The following RBFOX3 variants were observed in gnomAD, a reference collection of about 807,000 sequenced individuals.
RBFOX3 encodes RNA binding fox-1 homolog 3, also known as RNA binding protein fox-1 homolog 3.
RBFOX3 carries 17 observed loss-of-function variants against 48.7 expected under a neutral mutation model. That is an observed-to-expected ratio of 0.35 (90% confidence interval 0.24 to 0.52). The LOEUF is 0.52. RBFOX3 is among the 20% of genes least tolerant of loss of function. The probability of loss-of-function intolerance (pLI) is 0.94; values close to 1 mark genes in which losing one functional copy is unlikely to be tolerated. For synonymous variants in RBFOX3, 212 were observed against 209.5 expected, an observed-to-expected ratio of 1.01 and a Z score of -0.10; for missense variants, 382 against 497.5, an observed-to-expected ratio of 0.77 and a Z score of 2.21.
intron 2 of RBFOX3, among the ~76,000 whole-genome samples, chr17:79,383,305 G>A (rs2060166087): frequency 6.6e-6 from 1 of 152,222 alleles, no homozygotes; most frequent in South Asian, 2.1e-4. Flanking sequence ...GGTCTAACAC[G>A]GCTGGCCACG....
intron 5 of RBFOX3, among the ~76,000 whole-genome samples, chr17:79,107,285 C>CTTATT (rs1393503703): frequency 6.6e-6 from 1 of 152,244 alleles, no homozygotes. Context: ...CCCATCCCTG[C>CTTATT]CATGCTCCTG....
chr17:79,239,156 G>C (rs367583573), intron 3 of RBFOX3, among the ~76,000 whole-genome samples: 1 of 152,108 alleles, frequency 6.6e-6, no homozygotes, highest in African/African-American at 2.4e-5. Context: ...CTGAGATGTC[G>C]GCTCCCCCTC....
Position 79,126,834 on chromosome 17 carries a change from C to T in RBFOX3, c.-33-11086G>A, listed in dbSNP as rs564458313. 6.6e-5 allele frequency among the ~76,000 whole-genome samples: 10 copies of T among 152,330 alleles called. No individual in the cohort carries two copies. In the East Asian group the frequency reaches 1.7e-3, roughly 26 times the overall value. On this transcript the variant is annotated intron_variant, in intron 4 of 14. Coordinates refer to ENST00000693108, the MANE Select transcript of RBFOX3 (RefSeq NM_001350451.2). ...GACCGGTGCTTTACTAACGAGGAGG[C>T]TCCTTCAGTCCACCTCAGAACAGCT...
At chr17:79,262,844 C>T (rs1192798398) in intron 3 of RBFOX3, among the ~76,000 whole-genome samples, 1 of 152,270 alleles carries the variant, frequency 6.6e-6, no homozygotes, top group African/African-American at 2.4e-5. Context: ...GGGGCAGCCC[C>T]AATAGGGCGA....
chr17:79,543,397 G>A (rs961303166), intron 1 of RBFOX3, among the ~76,000 whole-genome samples: 1 of 152,120 alleles, frequency 6.6e-6, no homozygotes, highest in African/African-American at 2.4e-5. Context: ...GTGAAAGGAC[G>A]CCTGAAATGC....
At chr17:79,302,067 C>T (rs547847614) in intron 3 of RBFOX3, among the ~76,000 whole-genome samples, 1 of 152,276 alleles carries the variant, frequency 6.6e-6, no homozygotes, top group South Asian at 2.1e-4. Flanking sequence ...AATGCAAATG[C>T]ACTTATACCA....
chr17:79,202,630 C>T (rs994514483), intron 4 of RBFOX3, among the ~76,000 whole-genome samples: 1 of 152,250 alleles, frequency 6.6e-6, no homozygotes, highest in Non-Finnish European at 1.5e-5. Flanking sequence ...TGAGCCCACA[C>T]AGCAGACACC....
intron 3 of RBFOX3, among the ~76,000 whole-genome samples, chr17:79,236,486 T>C (rs1297423465): frequency 3.3e-5 from 5 of 152,120 alleles, no homozygotes; most frequent in Non-Finnish European, 5.9e-5. Flanking sequence ...GACGGGGGTC[T>C]CGCCATGTTG....
chr17:79,563,371 C>T (rs1030046043), intron 1 of RBFOX3, among the ~76,000 whole-genome samples: 6 of 152,228 alleles, frequency 3.9e-5, no homozygotes, highest in East Asian at 1.9e-4. Context: ...GCCTCGCTTC[C>T]GTCTGCAAGG....
At chr17:79,256,270 C>T (rs2064833971) in intron 3 of RBFOX3, among the ~76,000 whole-genome samples, 1 of 152,094 alleles carries the variant, frequency 6.6e-6, no homozygotes, top group East Asian at 1.9e-4. Flanking sequence ...TAAACCGACC[C>T]TTCCTTTCTC....
chr17:79,103,696 G>A lies in RBFOX3; in HGVS notation c.414+377C>T, dbSNP rs1239887084. On this transcript the variant is annotated intron_variant, in intron 7 of 14. Coordinates refer to ENST00000693108, the MANE Select transcript of RBFOX3 (RefSeq NM_001350451.2). This position sits in a 1 kb window ranked among gnomAD's most constrained non-coding sequence, Gnocchi z 6.1. ...GGTAGAGGGTCGTGCCTTCCTGGAA[G>A]GGGAGTAGGGCTTGTCTCCGCCGGA... Among the ~76,000 whole-genome samples the A allele has an allele frequency of 2.6e-5, 4 of 152,106 alleles. No homozygotes were observed. Among genetic ancestry groups the A allele is most frequent in the African/African-American group, 4.8e-5 (2 of 41,420 alleles).
At chr17:79,300,372 G>A (rs2075114867) in intron 3 of RBFOX3, among the ~76,000 whole-genome samples, 1 of 152,190 alleles carries the variant, frequency 6.6e-6, no homozygotes, top group Non-Finnish European at 1.5e-5. Flanking sequence ...AGTAGAGATG[G>A]GAAGAATCAG....
chr17:79,194,180 G>A (rs2055078468), intron 4 of RBFOX3, among the ~76,000 whole-genome samples: 1 of 152,204 alleles, frequency 6.6e-6, no homozygotes, highest in South Asian at 2.1e-4. Context: ...AGCTGCTGTG[G>A]TAGAAATGGA....
chr17:79,222,201 C>T (rs1035941173), intron 4 of RBFOX3, among the ~76,000 whole-genome samples: 1 of 152,070 alleles, frequency 6.6e-6, no homozygotes, highest in Admixed American at 6.5e-5. Context: ...TGATTTCTAC[C>T]GGCAGCCTGA....
Position 79,230,313 on chromosome 17 carries a change from G to A in RBFOX3, c.-34+5453C>T, listed in dbSNP as rs563453526. Among the ~76,000 whole-genome samples, 7 of 152,246 alleles carry A rather than the reference G, an allele frequency of 4.6e-5. No homozygotes were observed. In the East Asian group the frequency reaches 1.2e-3, roughly 25 times the overall value. On this transcript the variant is annotated intron_variant, in intron 4 of 14. Coordinates refer to ENST00000693108, the MANE Select transcript of RBFOX3 (RefSeq NM_001350451.2). ...CTTGCTTTGTCACCCAGGCTGGAGTGCAGTGGTACGATCTTGGCTCACTGC... is the reference window on the plus strand; with the variant it reads ...CTTGCTTTGTCACCCAGGCTGGAGTACAGTGGTACGATCTTGGCTCACTGC...
chr17:79,180,264 G>A (rs1174880312), intron 4 of RBFOX3, among the ~76,000 whole-genome samples: 1 of 152,178 alleles, frequency 6.6e-6, no homozygotes, highest in African/African-American at 2.4e-5. Flanking sequence ...GCAGGAAAAG[G>A]CTCATGCTTC....
At chr17:79,425,834 G>T (rs949858821) in intron 2 of RBFOX3, among the ~76,000 whole-genome samples, 1 of 152,120 alleles carries the variant, frequency 6.6e-6, no homozygotes, top group Non-Finnish European at 1.5e-5. Context: ...GGAGAGGATG[G>T]GGGGAGGAGA....
At chr17:79,503,686 A>G (rs2082673944) in intron 1 of RBFOX3, among the ~76,000 whole-genome samples, 1 of 152,126 alleles carries the variant, frequency 6.6e-6, no homozygotes, top group Non-Finnish European at 1.5e-5. Flanking sequence ...GCAGCCCCAC[A>G]ACCAAGGGAC....
the RBFOX3 span, among the ~76,000 whole-genome samples, chr17:79,619,565 T>C: frequency 6.6e-6 from 1 of 152,158 alleles, no homozygotes; most frequent in Non-Finnish European, 1.5e-5. Context: ...CTGTATGACT[T>C]CATCTTATCT....
Sources: gnomAD v4.1 joint callset for allele counts (sites outside exome capture counted in the v4.1 genomes callset) on GRCh38, gnomAD v4.1.1 for gene constraint, Gnocchi (gnomAD v3.1) non-coding constraint, MANE v1.5 for transcripts, NCBI Gene and HGNC (gene_info 2026-07-23, HGNC 2026-07-21) for gene names.